Variants in STX2 observed in about 807,000 individuals in gnomAD.
STX2 encodes the protein syntaxin 2, also known as syntaxin-2.
Under a neutral mutation model 40.6 loss-of-function variants are expected in STX2, and 27 were observed. The ratio of observed to expected loss-of-function variants is 0.66; its 90% CI spans 0.49 to 0.92. STX2 has a LOEUF of 0.92. Among genes scored for constraint, STX2 ranks in the 40% least tolerant of loss-of-function variants. The pLI is 0.00. For missense variants in STX2, 328 were observed against 366.1 expected, an observed-to-expected ratio of 0.90 and a Z score of 0.85; for synonymous variants, 123 against 119.1, an observed-to-expected ratio of 1.03 and a Z score of -0.22.
intron 1 of STX2, 94 bp from the exon 2 acceptor site, chr12:130,827,361 T>C (rs1283392211): frequency 1.1e-6 from 1 of 931,088 alleles, no homozygotes; most frequent in African/African-American, 1.6e-5. Flanking sequence ...ACCCACAAGA[T>C]CTCAACTCAC....
intron 2 of STX2, among the ~76,000 whole-genome samples, chr12:130,823,945 T>C (rs752187862): frequency 6.6e-6 from 1 of 152,246 alleles, no homozygotes; most frequent in Admixed American, 6.5e-5. Flanking sequence ...AACTCCATCA[T>C]TGTGCAGTCA....
At chr12:130,800,747 T>C (rs1375434039) in intron 8 of STX2, among the ~76,000 whole-genome samples, 3 of 152,264 alleles carry the variant, frequency 2.0e-5, no homozygotes, top group Non-Finnish European at 4.4e-5. Flanking sequence ...TACTGTTTTA[T>C]GGAGCCAAGC....
At chr12:130,820,882 TC>T (rs1952086936) in intron 3 of STX2, among the ~76,000 whole-genome samples, 1 of 151,812 alleles carries the variant, frequency 6.6e-6, no homozygotes, top group South Asian at 2.1e-4. Context: ...ACATAGTAAC[TC>T]CCCCCACCAT....
intron 9 of STX2, 157 bp downstream of exon 9, chr12:130,798,368 A>C: frequency 2.0e-6 from 1 of 500,312 alleles, no homozygotes; most frequent in South Asian, 4.9e-5. Context: ...TAAACCTTTT[A>C]AATTTTTAGC....
chr12:130,801,276 T>C lies in STX2; in HGVS notation c.552A>G (p.Ser184=), dbSNP rs753610059. 6.2e-7 allele frequency: 1 copy of C among 1,612,312 alleles called. No individual in the cohort carries two copies. The highest frequency in any genetic ancestry group is 8.5e-7 in the Non-Finnish European group (1 of 1,178,856). ...CATTGAGAGCTTGTCTAGTAATTTG[T>C]GAATCTGATATAATCTTGGAAAAAC... is the stretch of plus-strand genomic sequence containing the variant. The part of the protein sequence containing the change: ...SIFTSDIISD[S]QITRQALNEI... Residue 184 remains serine, a synonymous_variant, in exon 8 of 11, where the codon TCA becomes TCG. Coordinates refer to ENST00000392373, the MANE Select transcript of STX2 (RefSeq NM_194356.4).
At position 130,807,086 on chromosome 12, in the gene STX2, G is replaced by A. The variant is rs149949451; in HGVS notation, c.359C>T (p.Ser120Leu). 1.5e-4 allele frequency: 245 copies of A among 1,614,046 alleles called. No homozygotes were observed. Among genetic ancestry groups the A allele is most frequent in the African/African-American group, 1.2e-3 (92 of 75,042 alleles). ...VDLRIRRTQH[S>L]VLSRKFVEAM... Reference sequence around the variant, plus strand: ...TTCCACAAACTTCCGAGACAGCACCGAATGCTAACAACACAGGAAAACTAC... The same window carrying A: ...TTCCACAAACTTCCGAGACAGCACCAAATGCTAACAACACAGGAAAACTAC... The change falls in exon 6 of 11, where the codon TCG (serine) becomes TTG (leucine). Residue 120 changes from serine to leucine, a missense_variant. Coordinates refer to ENST00000392373, the MANE Select transcript of STX2 (RefSeq NM_194356.4).
At position 130,834,210 on chromosome 12, in the gene STX2, T is replaced by G. The variant is rs7956390; in HGVS notation, c.30+4860A>C. Among the ~76,000 whole-genome samples, 738 of 151,982 alleles carry G rather than the reference T, an allele frequency of 4.9e-3. 2 individuals carry two copies. The highest frequency in any genetic ancestry group is 0.017 in the African/African-American group (701 of 41,450). On this transcript the variant is annotated intron_variant, in intron 1 of 10. Coordinates refer to ENST00000392373, the MANE Select transcript of STX2 (RefSeq NM_194356.4). Reference sequence around the variant, plus strand: ...ACCAGCCTGGCCAATGTGGTGAAACTCCACTTCTACTAAAAATACAAAAAT... The same window carrying G: ...ACCAGCCTGGCCAATGTGGTGAAACGCCACTTCTACTAAAAATACAAAAAT...
chr12:130,806,073 G>A lies in STX2; in HGVS notation c.463+909C>T, dbSNP rs1027695539. Among the ~76,000 whole-genome samples the A allele has an allele frequency of 2.0e-5, 3 of 152,236 alleles. No homozygotes were observed. In the South Asian group the frequency reaches 6.2e-4, roughly 32 times the overall value. On this transcript the variant is annotated intron_variant, in intron 6 of 10. Coordinates refer to ENST00000392373, the MANE Select transcript of STX2 (RefSeq NM_194356.4). ...ACCAGAGGAGGTTAAAGGCAGATCA[G>A]ACAAGCAAGAGAAACTGACCAAAAC... is the stretch of plus-strand genomic sequence containing the variant.
rs1393814685 is a variant in STX2, at chr12:130,839,071, G to A, written c.29C>T (p.Ala10Val). Reference protein sequence around the residue: MRDRLPDLTACRKNDDGDTV... With the variant: MRDRLPDLTVCRKNDDGDTV... ...CCGCTACCCGCGGCTGCCGCTCACC[G>A]CCGTCAGGTCTGGCAGCCGGTCCCG... Residue 10 changes from alanine (A) to valine (V), a missense_variant and splice_region_variant, in exon 1 of 11, where the codon GCG (alanine) becomes GTG (valine). By Grantham distance (64) the Ala-to-Val change is moderately conservative (BLOSUM62 0). Coordinates refer to ENST00000392373, the MANE Select transcript of STX2 (RefSeq NM_194356.4). The A allele has an allele frequency of 1.5e-6, 2 of 1,304,996 alleles. No homozygotes were observed. The highest frequency in any genetic ancestry group is 1.9e-5 in the South Asian group (1 of 53,192). 80.8% of individuals were successfully genotyped at this position (1,304,996 alleles called of 1,614,324 possible). A position where few individuals can be genotyped will look rare whatever the true frequency, so the allele number is the denominator to read the frequency against.
chr12:130,812,852 T>C (rs980920069), intron 4 of STX2, 105 bp downstream of exon 4: 1 of 771,506 alleles, frequency 1.3e-6, no homozygotes, highest in African/African-American at 1.8e-5. Flanking sequence ...AAGCAGTCAC[T>C]ATTTTAATTT....
At chr12:130,798,690 A>G in intron 8 of STX2, 55 bp from the exon 9 acceptor site, 1 of 1,358,292 alleles carries the variant, frequency 7.4e-7, no homozygotes, top group South Asian at 1.3e-5. Flanking sequence ...TTAATCATGT[A>G]TCTTTAAGAC....
rs57244659 is a variant in STX2 at position 130,808,136 on chromosome 12, T to C, written c.354+495A>G. 4.5e-3 allele frequency among the ~76,000 whole-genome samples: 688 copies of C among 151,976 alleles called. 9 individuals are homozygous for C. Among genetic ancestry groups the C allele is most frequent in the African/African-American group, 0.016 (660 of 41,452 alleles). On this transcript the variant is annotated intron_variant, in intron 5 of 10. Coordinates refer to ENST00000392373, the MANE Select transcript of STX2 (RefSeq NM_194356.4). ...CCACCCTGAGAAATGCATGTATAGC[T>C]CCTCCCTCACCTCAGGCTCACACTG... is the stretch of plus-strand genomic sequence containing the variant.
At position 130,839,200 on chromosome 12, in the gene STX2, C is replaced by G. The variant is rs934747203; in HGVS notation, c.-101G>C. On this transcript the variant is annotated 5_prime_UTR_variant, in exon 1 of 11. Transcript: ENST00000392373. Reference sequence around the variant, plus strand: ...GTCTCCGCCTCAGGCCCCGCGGTCCCGGCCCGGCGCCAGCAGCCCTCCCTG... The same window carrying G: ...GTCTCCGCCTCAGGCCCCGCGGTCCGGGCCCGGCGCCAGCAGCCCTCCCTG... 2.9e-5 allele frequency: 30 copies of G among 1,022,720 alleles called. No individual in the cohort carries two copies. Among genetic ancestry groups the G allele is most frequent in the African/African-American group, 5.2e-5 (3 of 58,232 alleles). 63.4% of individuals were successfully genotyped at this position (1,022,720 alleles called of 1,614,324 possible).
At chr12:130,818,185 A>AAAAAAAAAAAAAAAAATAT in intron 3 of STX2, among the ~76,000 whole-genome samples, 4 of 70,536 alleles carry the variant, frequency 5.7e-5, no homozygotes, top group South Asian at 3.7e-4. Context: ...AAAAAAAAAA[A>AAAAAAAAAAAAAAAAATAT]ATATATATAT....
chr12:130,811,128 C>G (rs1198140958), intron 4 of STX2, among the ~76,000 whole-genome samples: 3 of 152,112 alleles, frequency 2.0e-5, no homozygotes, highest in Non-Finnish European at 2.9e-5. Context: ...GAGGCTGAGA[C>G]TGGCGGATCA....
In STX2 at chr12:130,807,098, C is replaced by A. The variant is rs546189903; in HGVS notation, c.355-8G>T. The stretch of plus-strand genomic sequence containing the variant: ...CCGAGACAGCACCGAATGCTAACAA[C>A]ACAGGAAAACTACATTCGTATCTGA... On this transcript the variant is annotated splice_region_variant and splice_polypyrimidine_tract_variant and intron_variant, in intron 5 of 10. Transcript: ENST00000392373. The A allele has an allele frequency of 2.5e-6, 4 of 1,613,656 alleles. No individual in the cohort carries two copies. The African/African-American group carries it at 5.3e-5, about 22-fold the overall frequency.
intron 2 of STX2, among the ~76,000 whole-genome samples, chr12:130,824,090 G>C (rs1952212542): frequency 6.6e-6 from 1 of 152,200 alleles, no homozygotes; most frequent in African/African-American, 2.4e-5. Context: ...AAAAGTCTAA[G>C]TATTAAAGAA....
intron 3 of STX2, among the ~76,000 whole-genome samples, chr12:130,813,472 C>G (rs1258927598): frequency 1.3e-5 from 2 of 152,238 alleles, no homozygotes; most frequent in Non-Finnish European, 2.9e-5. Context: ...TTCTCTTGTG[C>G]TGTCAGCTGT....
At chr12:130,803,690 C>CAAAAAAAAAAA (rs1248119618) in intron 6 of STX2, among the ~76,000 whole-genome samples, 1 of 9,434 alleles carries the variant, frequency 1.1e-4, no homozygotes, top group Non-Finnish European at 2.7e-4. Flanking sequence ...AAAAAAAAAA[C>CAAAAAAAAAAA]AAACTAAAAG....
Sources: gnomAD v4.1 joint callset for allele counts (sites outside exome capture counted in the v4.1 genomes callset) on GRCh38, gnomAD v4.1.1 for gene constraint, MANE v1.5 for transcripts, NCBI Gene and HGNC (gene_info 2026-07-23, HGNC 2026-07-21) for gene names.